The following RDX variants were observed in gnomAD, a reference collection of about 807,000 sequenced individuals.
The protein encoded by RDX is radixin.
Under a neutral mutation model 83.7 loss-of-function variants are expected in RDX, and 32 were observed. That is an observed-to-expected ratio of 0.38 (90% CI 0.29 to 0.51). The LOEUF (loss-of-function observed/expected upper bound fraction) is 0.51, where lower values mean the gene tolerates loss of function less well. RDX is among the 20% of genes least tolerant of loss of function. The probability of loss-of-function intolerance (pLI) is 0.87; values close to 1 mark genes in which losing one functional copy is unlikely to be tolerated. For synonymous variants in RDX, 229 were observed against 222.7 expected (o/e 1.03, Z -0.25); for missense variants, 600 against 689.9 (o/e 0.87, Z 1.46).
intron 15 of RDX, among the ~76,000 whole-genome samples, chr11:110,188,270 G>A (rs1336943588): frequency 6.7e-6 from 1 of 149,346 alleles, no homozygotes; most frequent in Non-Finnish European, 1.5e-5. Context: ...CTCCAGCCTG[G>A]GCAACAAGAG....
chr11:110,174,974 ACT>A (rs1331910736), exon 16 of RDX: 2 of 152,078 alleles, frequency 1.3e-5, no homozygotes, highest in African/African-American at 2.4e-5. Flanking sequence ...CACCTTCATC[ACT>A]CTGCTTTCAT....
chr11:110,289,448 CTT>C (rs567825904), intron 1 of RDX, among the ~76,000 whole-genome samples: 11 of 152,234 alleles, frequency 7.2e-5, no homozygotes, highest in Non-Finnish European at 1.2e-4. Context: ...TATATACTAA[CTT>C]TGCTGAATAG....
Position 110,231,005 on chromosome 11 carries a change from T to C in RDX, c.*864A>G, listed in dbSNP as rs185094188. On this transcript the variant is annotated 3_prime_UTR_variant, in exon 14 of 14. Transcript: ENST00000645495. ...CCAACAAATGTATATTTTCTTTTTTTAACTAATCATTTGTTTTTCTAAATC... is the reference window on the plus strand; with the variant it reads ...CCAACAAATGTATATTTTCTTTTTTCAACTAATCATTTGTTTTTCTAAATC... The C allele has an allele frequency of 8.6e-4, 131 of 152,710 alleles. 2 individuals carry two copies. Among genetic ancestry groups the C allele is most frequent in the Non-Finnish European group, 1.5e-5 (1 of 68,016 alleles). 9.5% of individuals were successfully genotyped at this position (152,710 alleles called of 1,614,324 possible).
intron 14 of RDX, among the ~76,000 whole-genome samples, chr11:110,221,833 CT>C (rs1430389421): frequency 1.3e-5 from 2 of 152,152 alleles, no homozygotes; most frequent in Non-Finnish European, 2.9e-5. Context: ...TCTTCTGGCA[CT>C]TAACTACCAT....
chr11:110,179,903 C>CTTTTTTTTTTTTT (rs528601645), intron 15 of RDX: 24 of 364,558 alleles, frequency 6.6e-5, no homozygotes, highest in South Asian at 1.4e-4. Context: ...TTTCTTTTTT[C>CTTTTTTTTTTTTT]TTTTTTTTTT....
chr11:110,236,872 G>A (rs1023390107), intron 11 of RDX, among the ~76,000 whole-genome samples: 29 of 151,410 alleles, frequency 1.9e-4, no homozygotes, highest in East Asian at 1.9e-4. Flanking sequence ...CACCTGCCTC[G>A]GCCTCCCAAA....
At chr11:110,279,900 C>T in intron 1 of RDX, 144 bp from the exon 2 acceptor site, 1 of 518,856 alleles carries the variant, frequency 1.9e-6, no homozygotes, top group South Asian at 2.5e-5. Flanking sequence ...TTTTCAATAT[C>T]TTCTACTAGC....
chr11:110,258,948 T>C (rs1202727127), intron 5 of RDX, among the ~76,000 whole-genome samples: 4 of 144,294 alleles, frequency 2.8e-5, no homozygotes, highest in South Asian at 2.2e-4. Context: ...CTCGGTTCAC[T>C]GCAACCTCTG....
intron 3 of RDX, among the ~76,000 whole-genome samples, chr11:110,270,850 T>G (rs1250579676): frequency 6.6e-6 from 1 of 152,232 alleles, no homozygotes; most frequent in Non-Finnish European, 1.5e-5. Context: ...GATTAGTTTT[T>G]GGCTGCCACA....
intron 10 of RDX, among the ~76,000 whole-genome samples, chr11:110,239,149 C>T (rs1012570206): frequency 6.6e-6 from 1 of 151,116 alleles, no homozygotes; most frequent in Non-Finnish European, 1.5e-5. Flanking sequence ...AAATCAGTAG[C>T]TATTTATATA....
At position 110,231,310 on chromosome 11, in the gene RDX, G is replaced by A. The variant is rs920175355; in HGVS notation, c.*559C>T. The A allele has an allele frequency of 3.2e-5, 5 of 156,628 alleles. No homozygotes were observed. Among genetic ancestry groups the A allele is most frequent in the Non-Finnish European group, 5.7e-5 (4 of 70,640 alleles). 9.7% of individuals were successfully genotyped at this position (156,628 alleles called of 1,614,324 possible). A position where few individuals can be genotyped will look rare whatever the true frequency, so the allele number is the denominator to read the frequency against. On this transcript the variant is annotated 3_prime_UTR_variant, in exon 14 of 14. Coordinates refer to ENST00000645495, the MANE Select transcript of RDX (RefSeq NM_002906.4). ...TATTAAATGTTCTAATCTCTTTCCTGATTCATAGCCATATTCTACATGATG... is the reference window on the plus strand; with the variant it reads ...TATTAAATGTTCTAATCTCTTTCCTAATTCATAGCCATATTCTACATGATG...
chr11:110,197,024 G>T (rs549415534), intron 15 of RDX, among the ~76,000 whole-genome samples: 1 of 152,074 alleles, frequency 6.6e-6, no homozygotes. Flanking sequence ...TCAGCCTCCC[G>T]AGTAGCTGGG....
At position 110,233,270 on chromosome 11, in the gene RDX, T is replaced by C; in HGVS notation, c.1554A>G (p.Thr518=). 2 of 1,613,820 alleles carry C rather than the reference T, an allele frequency of 1.2e-6. No homozygotes were observed. Among genetic ancestry groups the C allele is most frequent in the Non-Finnish European group, 1.7e-6 (2 of 1,179,990 alleles). Reference sequence around the variant, plus strand: ...GCTTCTTAACACGCTCATTTTTCTGTGTTTCGGTTACACGTTCTTCCTCGC... The same window carrying C: ...GCTTCTTAACACGCTCATTTTTCTGCGTTTCGGTTACACGTTCTTCCTCGC... ...HRSEEERVTE[T]QKNERVKKQL... Residue 518 remains threonine (T), a synonymous_variant, in exon 13 of 14, where the codon ACA becomes ACG. Coordinates refer to ENST00000645495, the MANE Select transcript of RDX (RefSeq NM_002906.4).
At chr11:110,184,913 G>A (rs1015231924) in intron 15 of RDX, among the ~76,000 whole-genome samples, 1 of 152,050 alleles carries the variant, frequency 6.6e-6, no homozygotes, top group Admixed American at 6.5e-5. Flanking sequence ...GACCTTGGAG[G>A]GGGGGCTAGG....
At chr11:110,212,349 T>C (rs1436274546) in intron 14 of RDX, among the ~76,000 whole-genome samples, 1 of 139,222 alleles carries the variant, frequency 7.2e-6, no homozygotes, top group African/African-American at 2.7e-5. Context: ...ATCAATAGCT[T>C]ACCAACCAAA....
chr11:110,293,015 G>A (rs1861306412), intron 1 of RDX, among the ~76,000 whole-genome samples: 1 of 152,128 alleles, frequency 6.6e-6, no homozygotes, highest in Non-Finnish European at 1.5e-5. Flanking sequence ...AAACAAATTT[G>A]CACATACACA....
At chr11:110,262,312 T>C (rs1414139823) in intron 5 of RDX, among the ~76,000 whole-genome samples, 1 of 152,154 alleles carries the variant, frequency 6.6e-6, no homozygotes, top group Non-Finnish European at 1.5e-5. Flanking sequence ...TGGCTGAGCA[T>C]GGTGACTCAC....
At chr11:110,264,393 G>C (rs1859935258) in intron 4 of RDX, among the ~76,000 whole-genome samples, 159 bp from the exon 5 acceptor site, 1 of 152,148 alleles carries the variant, frequency 6.6e-6, no homozygotes, top group Non-Finnish European at 1.5e-5. Flanking sequence ...ACAAATATAT[G>C]TGGTAAAAGA....
chr11:110,265,823 T>C (rs1274161290), intron 3 of RDX, among the ~76,000 whole-genome samples: 2 of 152,180 alleles, frequency 1.3e-5, no homozygotes, highest in South Asian at 2.1e-4. Context: ...ACCATCTAGA[T>C]AAAATTAATC....
Sources: allele counts gnomAD v4.1 joint callset (sites outside exome capture counted in the v4.1 genomes callset), GRCh38; gene constraint gnomAD v4.1.1; transcripts MANE v1.5; gene names NCBI Gene and HGNC (gene_info 2026-07-23, HGNC 2026-07-21).